Variants in EXT2 observed in about 807,000 individuals in gnomAD.
EXT2 encodes the protein exostosin glycosyltransferase 2.
EXT2 carries 53 observed loss-of-function variants against 81.6 expected under a neutral mutation model. The observed-to-expected ratio is 0.65, with a 90% confidence interval of 0.52 to 0.82. The LOEUF is 0.82. EXT2 is among the 40% of genes least tolerant of loss of function. The probability of loss-of-function intolerance (pLI) is 0.00; values close to 1 mark genes in which losing one functional copy is unlikely to be tolerated. For missense variants in EXT2, 774 were observed against 910.2 expected (o/e 0.85, Z 1.93); for synonymous variants, 320 against 340.0 (o/e 0.94, Z 0.65).
chr11:44,189,761 T>C (rs567758762), intron 8 of EXT2, among the ~76,000 whole-genome samples: 96 of 152,346 alleles, frequency 6.3e-4, no homozygotes, highest in Non-Finnish European at 1.2e-3. Flanking sequence ...TCAGTTATTA[T>C]TTGAGAGTGA....
At chr11:44,216,645 A>C (rs1358471815) in intron 10 of EXT2, among the ~76,000 whole-genome samples, 1 of 152,168 alleles carries the variant, frequency 6.6e-6, no homozygotes, top group African/African-American at 2.4e-5. Context: ...ATCCGAAGGC[A>C]GTGCTTATGT....
chr11:44,171,463 C>A, intron 7 of EXT2, 148 bp from the exon 8 acceptor site: 1 of 1,138,298 alleles, frequency 8.8e-7, no homozygotes, highest in Non-Finnish European at 1.3e-6. Flanking sequence ...CTGGCTTGAA[C>A]AGCAGGGAGC....
At chr11:44,167,904 G>A (rs913350738) in intron 7 of EXT2, among the ~76,000 whole-genome samples, 6 of 151,808 alleles carry the variant, frequency 4.0e-5, no homozygotes, top group African/African-American at 1.5e-4. Context: ...ATGCTGGTGC[G>A]CTGCACCCAC....
At chr11:44,240,872 C>T (rs1956028852) in intron 13 of EXT2, among the ~76,000 whole-genome samples, 1 of 152,196 alleles carries the variant, frequency 6.6e-6, no homozygotes, top group South Asian at 2.1e-4. Flanking sequence ...TTCCTCTTCC[C>T]TCCCCCTGTC....
At chr11:44,200,135 A>G (rs1955505210) in intron 9 of EXT2, among the ~76,000 whole-genome samples, 2 of 151,620 alleles carry the variant, frequency 1.3e-5, no homozygotes, top group South Asian at 4.2e-4. Flanking sequence ...GTACAGCATT[A>G]GTAACATATA....
intron 10 of EXT2, among the ~76,000 whole-genome samples, chr11:44,215,327 T>C (rs892897669): frequency 5.9e-5 from 9 of 152,342 alleles, no homozygotes; most frequent in Admixed American, 2.6e-4. Flanking sequence ...GCTCAAAATA[T>C]TTTCTGATTT....
chr11:44,162,333 T>TG (rs1191374873), intron 7 of EXT2, among the ~76,000 whole-genome samples: 1 of 152,136 alleles, frequency 6.6e-6, no homozygotes, highest in Non-Finnish European at 1.5e-5. Flanking sequence ...CCCAGGACTT[T>TG]GGGGGGCCGA....
At chr11:44,201,401 A>G (rs1955520683) in intron 9 of EXT2, among the ~76,000 whole-genome samples, 2 of 152,246 alleles carry the variant, frequency 1.3e-5, no homozygotes, top group African/African-American at 4.8e-5. Context: ...TCCTAGGAAC[A>G]GGAACTGTGC....
rs1298614726 is a variant in EXT2 at position 44,181,759 on chromosome 11, T to A, written c.1305+10017T>A. On this transcript the variant is annotated intron_variant, in intron 8 of 13. Transcript: ENST00000533608. ...GTTTTTAGTTTTCTTCAGCTCCTTT[T>A]ATTGTTTGGTTTCTTTGAATTCCTT... is the stretch of plus-strand genomic sequence containing the variant. Among the ~76,000 whole-genome samples the A allele has an allele frequency of 2.0e-5, 3 of 152,222 alleles. No individual in the cohort carries two copies. In the East Asian group the frequency reaches 5.8e-4, roughly 29 times the overall value.
intron 7 of EXT2, among the ~76,000 whole-genome samples, chr11:44,133,428 C>T (rs991960567): frequency 5.3e-5 from 8 of 151,994 alleles, no homozygotes; most frequent in Admixed American, 4.6e-4. Flanking sequence ...CCTTGGAGCC[C>T]CTAGATGATG....
In EXT2 at chr11:44,250,284, C is replaced by G. The variant is rs1956128374; in HGVS notation, c.*5997C>G. Among the ~76,000 whole-genome samples, 1 of 152,212 alleles carries G rather than the reference C, an allele frequency of 6.6e-6. No individual in the cohort carries two copies. Among genetic ancestry groups the G allele is most frequent in the South Asian group, 2.1e-4 (1 of 4,830 alleles). On this transcript the variant is annotated 3_prime_UTR_variant, in exon 14 of 14. Coordinates refer to ENST00000533608, the MANE Select transcript of EXT2 (RefSeq NM_207122.2). ...TAAATGAGGATTCCATTAACCCCAT[C>G]TTCTCCAATGTATGGAGGATGCAAG...
intron 1 of EXT2, chr11:44,096,125 AG>A (rs1953891120): frequency 1.1e-6 from 1 of 879,674 alleles, no homozygotes; most frequent in Non-Finnish European, 1.8e-6. Context: ...CTGTTCTCCT[AG>A]CCAACCTTCG....
At chr11:44,215,843 GAGA>G (rs931799435) in intron 10 of EXT2, among the ~76,000 whole-genome samples, 1 of 151,660 alleles carries the variant, frequency 6.6e-6, no homozygotes, top group Non-Finnish European at 1.5e-5. Context: ...GGCCTGGAGA[GAGA>G]GGAGTCTTCC....
intron 8 of EXT2, among the ~76,000 whole-genome samples, chr11:44,172,732 C>T (rs777154924): frequency 6.6e-5 from 10 of 151,948 alleles, no homozygotes; most frequent in South Asian, 2.1e-4. Context: ...TACAGGCATC[C>T]GCCACCAAGC....
chr11:44,107,427 T>G (rs1267994849), intron 1 of EXT2, among the ~76,000 whole-genome samples: 1 of 152,010 alleles, frequency 6.6e-6, no homozygotes, highest in African/African-American at 2.4e-5. Flanking sequence ...AGACTCCTTC[T>G]CTACTAAAAA....
intron 8 of EXT2, among the ~76,000 whole-genome samples, chr11:44,187,177 A>G (rs931501261): frequency 7.3e-5 from 11 of 151,570 alleles, no homozygotes; most frequent in African/African-American, 2.7e-4. Context: ...AGCTGGGATT[A>G]TAGGTGTGCA....
chr11:44,106,442 A>T (rs1379859291), intron 1 of EXT2, among the ~76,000 whole-genome samples: 1 of 152,098 alleles, frequency 6.6e-6, no homozygotes, highest in Non-Finnish European at 1.5e-5. Flanking sequence ...ATGAAAGATT[A>T]ATTTTTTTTC....
intron 9 of EXT2, among the ~76,000 whole-genome samples, chr11:44,206,026 G>A (rs563261532): frequency 6.6e-6 from 1 of 151,960 alleles, no homozygotes; most frequent in East Asian, 1.9e-4. Context: ...GCACGTCATG[G>A]GTTGGTGTTT....
chr11:44,120,974 C>T (rs922443538), intron 4 of EXT2, among the ~76,000 whole-genome samples: 6 of 152,166 alleles, frequency 3.9e-5, no homozygotes, highest in Non-Finnish European at 7.4e-5. Flanking sequence ...ACAAATCCAC[C>T]TTAAAATTTA....
Sources: gnomAD v4.1 joint callset for allele counts (sites outside exome capture counted in the v4.1 genomes callset) on GRCh38, gnomAD v4.1.1 for gene constraint, MANE v1.5 for transcripts, NCBI Gene and HGNC (gene_info 2026-07-23, HGNC 2026-07-21) for gene names.